The following LAMB4 variants were observed in gnomAD, a reference collection of about 807,000 sequenced individuals.
LAMB4 encodes the protein laminin subunit beta 4, also known as laminin subunit beta-4.
LAMB4 carries 196 observed loss-of-function variants against 199.2 expected under a neutral mutation model. The ratio of observed to expected loss-of-function variants is 0.98; its 90% CI spans 0.88 to 1.11. The LOEUF is 1.11. Among genes scored for constraint, LAMB4 ranks in the 50% least tolerant of loss-of-function variants. The probability of loss-of-function intolerance (pLI) is 0.00; values close to 1 mark genes in which losing one functional copy is unlikely to be tolerated. For missense variants in LAMB4, 2,080 were observed against 2,171.2 expected (o/e 0.96, Z 0.83); for synonymous variants, 744 against 770.6 (o/e 0.97, Z 0.57).
chr7:108,129,605 T>A (rs113315282), intron 1 of LAMB4, among the ~76,000 whole-genome samples: 1 of 152,168 alleles, frequency 6.6e-6, no homozygotes, highest in Non-Finnish European at 1.5e-5. Flanking sequence ...TGGCACATTC[T>A]TGGTTCACTG....
intron 25 of LAMB4, 43 bp downstream of exon 25, chr7:108,055,587 GTA>G (rs2035955520): frequency 6.4e-7 from 1 of 1,563,870 alleles, no homozygotes; most frequent in Admixed American, 1.8e-5. Context: ...GGGAGTTAAG[GTA>G]AATCAGGAGT....
chr7:108,044,468 G>A (rs1361585720), intron 28 of LAMB4, among the ~76,000 whole-genome samples: 2 of 152,144 alleles, frequency 1.3e-5, no homozygotes, highest in African/African-American at 2.4e-5. Context: ...TAATAGGCTA[G>A]CAAACTAGAA....
chr7:108,108,175 C>A (rs1432569124), intron 5 of LAMB4, among the ~76,000 whole-genome samples: 2 of 152,182 alleles, frequency 1.3e-5, no homozygotes. Context: ...CTCAAATGCC[C>A]ACCTCAGCCT....
intron 23 of LAMB4, among the ~76,000 whole-genome samples, chr7:108,060,453 ACCAT>A (rs1213814022): frequency 6.6e-6 from 1 of 152,176 alleles, no homozygotes; most frequent in Non-Finnish European, 1.5e-5. Context: ...AACAGGCATG[ACCAT>A]CCAGTGTCCA....
intron 12 of LAMB4, among the ~76,000 whole-genome samples, chr7:108,094,463 C>G (rs1363197450): frequency 6.6e-6 from 1 of 151,852 alleles, no homozygotes; most frequent in Non-Finnish European, 1.5e-5. Context: ...AGTAAAATGA[C>G]TTAAAATATC....
intron 11 of LAMB4, 104 bp downstream of exon 11, chr7:108,098,299 C>T: frequency 1.5e-6 from 1 of 675,680 alleles, no homozygotes; most frequent in East Asian, 4.1e-5. Context: ...TGCCACTGTA[C>T]TCCAGCCTGG....
Position 108,105,938 on chromosome 7 carries a change from TCAA to T in LAMB4, c.746_748del (p.Leu249_Asp250delinsHis). On this transcript the variant is annotated inframe_deletion, in exon 8 of 34. Coordinates refer to ENST00000388781, the MANE Select transcript of LAMB4 (RefSeq NM_007356.3). Reference sequence around the variant, plus strand: ...CTCGTACAGAGCATAGTAGTATTTATCAAGGGAATCATTTTGCCTCCTTCCAAG... The same window carrying T: ...CTCGTACAGAGCATAGTAGTATTTATGGGAATCATTTTGCCTCCTTCCAAG... The T allele has an allele frequency of 6.2e-7, 1 of 1,614,222 alleles. No homozygotes were observed. Among genetic ancestry groups the T allele is most frequent in the South Asian group, 1.1e-5 (1 of 91,086 alleles).
chr7:108,035,855 CTTT>C (rs555719511), intron 30 of LAMB4, among the ~76,000 whole-genome samples: 8 of 141,014 alleles, frequency 5.7e-5, no homozygotes, highest in African/African-American at 1.5e-4. Context: ...CTTTTATCAA[CTTT>C]TTTTTTTTTT....
intron 12 of LAMB4, among the ~76,000 whole-genome samples, chr7:108,094,869 T>C (rs144784127): frequency 6.6e-6 from 1 of 152,152 alleles, no homozygotes; most frequent in Non-Finnish European, 1.5e-5. Flanking sequence ...ATAAGGGGAT[T>C]GTGTACAAGG....
intron 14 of LAMB4, among the ~76,000 whole-genome samples, 200 bp from the exon 15 acceptor site, chr7:108,079,986 A>G (rs1248827642): frequency 6.6e-6 from 1 of 152,202 alleles, no homozygotes; most frequent in Non-Finnish European, 1.5e-5. Flanking sequence ...GCTTTGGAAC[A>G]TATGTTACTG....
At chr7:108,069,922 T>G (rs1323866884) in intron 17 of LAMB4, 37 bp from the exon 18 acceptor site, 2 of 1,558,016 alleles carry the variant, frequency 1.3e-6, no homozygotes, top group Non-Finnish European at 1.8e-6. Context: ...ACATTCAAAC[T>G]ATCTGCTGTG....
chr7:108,061,036 A>C (rs758943592), intron 23 of LAMB4, among the ~76,000 whole-genome samples: 4 of 152,214 alleles, frequency 2.6e-5, no homozygotes, highest in Non-Finnish European at 4.4e-5. Flanking sequence ...TGTACCCCTG[A>C]TAGGATGTGA....
chr7:108,020,844 A>C (rs552105236), downstream of LAMB4, among the ~76,000 whole-genome samples: 1 of 152,228 alleles, frequency 6.6e-6, no homozygotes, highest in Non-Finnish European at 1.5e-5. Context: ...TAGAATATGT[A>C]CCAATACCCA....
intron 32 of LAMB4, among the ~76,000 whole-genome samples, chr7:108,030,525 G>A (rs1380555748): frequency 6.6e-6 from 1 of 152,206 alleles, no homozygotes; most frequent in Admixed American, 6.5e-5. Flanking sequence ...TTGGAAGTTC[G>A]GGGCAAATTT....
Position 108,066,489 on chromosome 7 carries a change from C to A in LAMB4, c.2558G>T (p.Gly853Val). The change falls in exon 20 of 34, where the codon GGC becomes GTC. Residue 853 changes from glycine to valine, a missense_variant. Physicochemically the swap from Gly to Val is moderately radical, Grantham distance 109. Transcript: ENST00000388781. ...GTGGCAGCTGGGAAATCCAAAGTAGCCTGCCAGGCAGCGATCACAGCGGCG... is the reference window on the plus strand; with the variant it reads ...GTGGCAGCTGGGAAATCCAAAGTAGACTGCCAGGCAGCGATCACAGCGGCG... ...SGRRCDRCLA[G>V]YFGFPSCHPC... 6.2e-7 allele frequency: 1 copy of A among 1,614,152 alleles called. No homozygotes were observed. Among genetic ancestry groups the A allele is most frequent in the Non-Finnish European group, 8.5e-7 (1 of 1,180,018 alleles).
At chr7:108,048,158 C>A in intron 27 of LAMB4, 47 bp from the exon 28 acceptor site, 1 of 462,520 alleles carries the variant, frequency 2.2e-6, no homozygotes. Flanking sequence ...GTTGTCAGAG[C>A]TTTTTTTTTT....
Position 108,095,219 on chromosome 7 carries a change from A to C in LAMB4, c.1470+9T>G. ...CTATAGAAAAGGGAAACTATAGGCA[A>C]ATACATACAGTGCATTCTTCGCAGT... On this transcript the variant is annotated intron_variant, in intron 12 of 33. Transcript: ENST00000388781. 2 of 1,599,814 alleles carry C rather than the reference A, an allele frequency of 1.3e-6. No individual in the cohort carries two copies. The highest frequency in any genetic ancestry group is 1.7e-6 in the Non-Finnish European group (2 of 1,167,372).
chr7:108,018,709 A>C (rs1157407445), downstream of LAMB4, among the ~76,000 whole-genome samples: 1 of 152,148 alleles, frequency 6.6e-6, no homozygotes, highest in Non-Finnish European at 1.5e-5. Flanking sequence ...CGTCTCAAAA[A>C]CAAAAACAAA....
chr7:108,116,555 C>G (rs2038415187), intron 2 of LAMB4, among the ~76,000 whole-genome samples: 1 of 152,172 alleles, frequency 6.6e-6, no homozygotes, highest in Non-Finnish European at 1.5e-5. Context: ...CCAAGAGATG[C>G]TTCCATGAAA....
Sources: allele counts gnomAD v4.1 joint callset (sites outside exome capture counted in the v4.1 genomes callset), GRCh38; gene constraint gnomAD v4.1.1; transcripts MANE v1.5; gene names NCBI Gene and HGNC (gene_info 2026-07-23, HGNC 2026-07-21).